The following CHST9 variants were observed in gnomAD, a reference collection of about 807,000 sequenced individuals.
CHST9 encodes the protein carbohydrate sulfotransferase 9, also known as GalNAc-4-sulfotransferase 2.
In CHST9, 41 loss-of-function variants were observed where a neutral mutation model predicts 44.4. The observed-to-expected ratio is 0.92, with a 90% CI of 0.72 to 1.20. The LOEUF (loss-of-function observed/expected upper bound fraction) is 1.20, where lower values mean the gene tolerates loss of function less well. CHST9 is among the 50% of genes most tolerant of loss of function. The probability of loss-of-function intolerance (pLI) is 0.00; values close to 1 mark genes in which losing one functional copy is unlikely to be tolerated. For missense variants in CHST9, 504 were observed against 516.5 expected (o/e 0.98, Z 0.23); for synonymous variants, 171 against 178.4 (o/e 0.96, Z 0.33).
At chr18:27,138,268 C>T (rs2058533771) in intron 2 of CHST9, among the ~76,000 whole-genome samples, 1 of 152,182 alleles carries the variant, frequency 6.6e-6, no homozygotes, top group Admixed American at 6.5e-5. Context: ...TGCCTGTATT[C>T]ACCATGGTGC....
intron 2 of CHST9, among the ~76,000 whole-genome samples, chr18:27,091,506 G>C (rs1425542766): frequency 2.0e-5 from 3 of 152,126 alleles, no homozygotes; most frequent in Non-Finnish European, 4.4e-5. Flanking sequence ...GTGAGAGAGG[G>C]CATCTTTGCC....
rs1391839641 is a variant in CHST9, at chr18:26,913,381, G to A, written c.*2878C>T. 3.9e-5 allele frequency: 6 copies of A among 152,178 alleles called. No homozygotes were observed. The highest frequency in any genetic ancestry group is 2.1e-4 in the South Asian group (1 of 4,824). The allele number at this position is 152,178 out of a possible 1,614,324, so 9.4% of individuals were successfully genotyped here. A position where few individuals can be genotyped will look rare whatever the true frequency, so the allele number is the denominator to read the frequency against. ...TATTTCCAAATGTTTGAGAAAATCCGAAAACTGGATGTCCTGTACATACAT... is the reference window on the plus strand; with the variant it reads ...TATTTCCAAATGTTTGAGAAAATCCAAAAACTGGATGTCCTGTACATACAT... On this transcript the variant is annotated 3_prime_UTR_variant, in exon 6 of 6. Transcript: ENST00000618847.
chr18:27,022,877 T>C (rs1040835583), intron 4 of CHST9, among the ~76,000 whole-genome samples: 5 of 152,256 alleles, frequency 3.3e-5, no homozygotes, highest in Non-Finnish European at 5.9e-5. Context: ...TCTCAACTTA[T>C]GGGCTACCAG....
At chr18:27,158,475 G>T (rs1489675425) in intron 1 of CHST9, among the ~76,000 whole-genome samples, 1 of 150,468 alleles carries the variant, frequency 6.6e-6, no homozygotes, top group East Asian at 2.0e-4. Flanking sequence ...TGGTGTATAT[G>T]TACCACAATT....
intron 4 of CHST9, among the ~76,000 whole-genome samples, chr18:26,951,635 A>G (rs1274099546): frequency 1.3e-5 from 2 of 152,170 alleles, no homozygotes; most frequent in African/African-American, 2.4e-5. Flanking sequence ...ACTCTCTCAA[A>G]CCATAAATTT....
intron 4 of CHST9, among the ~76,000 whole-genome samples, chr18:27,004,699 T>A (rs1033632063): frequency 6.6e-6 from 1 of 152,186 alleles, no homozygotes; most frequent in Non-Finnish European, 1.5e-5. Context: ...TCCCTTTTCG[T>A]AGTACAAATG....
intron 1 of CHST9, among the ~76,000 whole-genome samples, chr18:27,143,915 A>T (rs2058589868): frequency 3.9e-5 from 6 of 152,220 alleles, no homozygotes; most frequent in Admixed American, 3.9e-4. Flanking sequence ...CCTATGTAAC[A>T]AACCTGCACG....
At chr18:26,982,686 G>A (rs2056706911) in intron 4 of CHST9, among the ~76,000 whole-genome samples, 1 of 152,226 alleles carries the variant, frequency 6.6e-6, no homozygotes, top group East Asian at 1.9e-4. Context: ...AACATCTCAT[G>A]CAACAGGTAT....
intron 2 of CHST9, among the ~76,000 whole-genome samples, chr18:27,139,960 G>A (rs1313584597): frequency 6.6e-6 from 1 of 152,100 alleles, no homozygotes; most frequent in Non-Finnish European, 1.5e-5. Context: ...ATAATTATAT[G>A]CCTACATAAT....
chr18:27,137,780 A>AT (rs1041863555), intron 2 of CHST9, among the ~76,000 whole-genome samples: 1 of 152,234 alleles, frequency 6.6e-6, no homozygotes, highest in African/African-American at 2.4e-5. Context: ...CTTACGGCAC[A>AT]TACGAAACAG....
chr18:27,025,326 G>T (rs567303822), intron 3 of CHST9, among the ~76,000 whole-genome samples: 1 of 151,746 alleles, frequency 6.6e-6, no homozygotes, highest in African/African-American at 2.4e-5. Context: ...CTTAAGCAAT[G>T]GTAGGATTAA....
In CHST9 at chr18:27,011,560, G is replaced by A. The variant is rs62082062; in HGVS notation, c.202+12556C>T. Reference sequence around the variant, plus strand: ...AGCAGAATGAAGGCTGCTAGAATGAGGAAATCCCACCAGGAAACTAGAGTG... The same window carrying A: ...AGCAGAATGAAGGCTGCTAGAATGAAGAAATCCCACCAGGAAACTAGAGTG... On this transcript the variant is annotated intron_variant, in intron 4 of 5. Coordinates refer to ENST00000618847, the MANE Select transcript of CHST9 (RefSeq NM_031422.6). 8.4e-3 allele frequency among the ~76,000 whole-genome samples: 1,281 copies of A among 152,304 alleles called. 9 individuals carry two copies. The highest frequency in any genetic ancestry group is 0.014 in the Non-Finnish European group (963 of 68,030).
intron 1 of CHST9, among the ~76,000 whole-genome samples, chr18:27,179,685 C>T (rs1339754787): frequency 2.0e-5 from 3 of 152,014 alleles, no homozygotes; most frequent in Non-Finnish European, 4.4e-5. Context: ...GCATATCAAA[C>T]TGTATAACCT....
intron 3 of CHST9, among the ~76,000 whole-genome samples, chr18:27,045,718 T>C (rs1284543453): frequency 1.3e-5 from 2 of 152,042 alleles, no homozygotes; most frequent in Non-Finnish European, 2.9e-5. Context: ...GAATGGGTTT[T>C]CAAAAATGAC....
At chr18:26,941,858 C>T (rs1300613376) in intron 5 of CHST9, among the ~76,000 whole-genome samples, 1 of 152,124 alleles carries the variant, frequency 6.6e-6, no homozygotes, top group African/African-American at 2.4e-5. Flanking sequence ...GTAAAATAGC[C>T]GTGGGCTAAA....
chr18:27,056,553 G>T (rs1212605270), intron 2 of CHST9, among the ~76,000 whole-genome samples: 4 of 152,052 alleles, frequency 2.6e-5, no homozygotes, highest in Non-Finnish European at 4.4e-5. Flanking sequence ...ACTTCACAGG[G>T]TCACTGTGAA....
At chr18:27,061,780 G>A (rs2057724450) in intron 2 of CHST9, among the ~76,000 whole-genome samples, 1 of 152,076 alleles carries the variant, frequency 6.6e-6, no homozygotes, top group African/African-American at 2.4e-5. Flanking sequence ...ACCTACACTT[G>A]TTCTCGATGA....
At chr18:27,044,684 G>T (rs1447041258) in intron 3 of CHST9, among the ~76,000 whole-genome samples, 1 of 151,192 alleles carries the variant, frequency 6.6e-6, no homozygotes, top group Non-Finnish European at 1.5e-5. Context: ...GTTTTTTTTT[G>T]ATAGTGTATA....
At chr18:26,995,183 G>A (rs962345938) in intron 4 of CHST9, among the ~76,000 whole-genome samples, 1 of 151,410 alleles carries the variant, frequency 6.6e-6, no homozygotes, top group African/African-American at 2.4e-5. Context: ...CAGCACTTTG[G>A]GAGTCCAAGG....
Sources: allele counts gnomAD v4.1 joint callset (sites outside exome capture counted in the v4.1 genomes callset), GRCh38; gene constraint gnomAD v4.1.1; transcripts MANE v1.5; gene names NCBI Gene and HGNC (gene_info 2026-07-23, HGNC 2026-07-21).